The following NRG1 variants were observed in gnomAD, a reference collection of about 807,000 sequenced individuals.
NRG1 encodes neuregulin 1, also known as pro-neuregulin-1, membrane-bound isoform.
NRG1 carries 18 observed loss-of-function variants against 63.8 expected under a neutral mutation model. That is an observed-to-expected ratio of 0.28 (90% CI 0.19 to 0.42). The LOEUF is 0.42. NRG1 is among the 10% of genes least tolerant of loss of function. The probability of loss-of-function intolerance (pLI) is 1.00; values close to 1 mark genes in which losing one functional copy is unlikely to be tolerated. For synonymous variants in NRG1, 302 were observed against 301.3 expected, an observed-to-expected ratio of 1.00 and a Z score of -0.02; for missense variants, 762 against 814.7, an observed-to-expected ratio of 0.94 and a Z score of 0.79.
intron 1 of NRG1, among the ~76,000 whole-genome samples, chr8:32,474,674 T>G (rs746142538): frequency 1.3e-4 from 20 of 148,538 alleles, no homozygotes; most frequent in Non-Finnish European, 2.7e-4. Flanking sequence ...TGTGTGTGTG[T>G]GTGTTTTTTT....
intron 6 of NRG1, among the ~76,000 whole-genome samples, chr8:32,732,151 T>C (rs1303736733): frequency 6.6e-6 from 1 of 152,242 alleles, no homozygotes; most frequent in African/African-American, 2.4e-5. Context: ...GTGGTAGTTC[T>C]CATCTTTTAT....
chr8:32,066,139 C>T (rs560514354), intron 1 of NRG1, among the ~76,000 whole-genome samples: 1 of 152,346 alleles, frequency 6.6e-6, no homozygotes, highest in African/African-American at 2.4e-5. Flanking sequence ...TGTAGGTTGC[C>T]TGTTCATTCT....
intron 1 of NRG1, among the ~76,000 whole-genome samples, chr8:32,577,899 G>A (rs1169230690): frequency 3.9e-5 from 6 of 152,226 alleles, no homozygotes; most frequent in African/African-American, 1.4e-4. Context: ...TAACATAAAA[G>A]GAAGATGAAG....
chr8:32,520,278 CTG>C (rs1466167979), intron 1 of NRG1, among the ~76,000 whole-genome samples: 2 of 151,764 alleles, frequency 1.3e-5, no homozygotes, highest in Non-Finnish European at 2.9e-5. Flanking sequence ...ACTCCCACTT[CTG>C]CCTGTAGCTG....
At position 32,303,556 on chromosome 8, in the gene NRG1, A is replaced by T. The variant is rs991535989; in HGVS notation, c.38-292272A>T. Among the ~76,000 whole-genome samples the T allele has an allele frequency of 5.3e-5, 8 of 152,332 alleles. 1 individual carries two copies. The Middle Eastern group carries it at 0.014, about 259-fold the overall frequency. On this transcript the variant is annotated intron_variant, in intron 1 of 10. Transcript: ENST00000519301. ...AAATGACACCTGTTAAAGTGCCAGCACCGTTAGCAAAAGAACATTTAAAAC... is the reference window on the plus strand; with the variant it reads ...AAATGACACCTGTTAAAGTGCCAGCTCCGTTAGCAAAAGAACATTTAAAAC...
Position 32,616,789 on chromosome 8 carries a change from A to G in NRG1, c.452-46A>G, listed in dbSNP as rs141523393. 1.3e-3 allele frequency: 1,958 copies of G among 1,484,502 alleles called. 23 individuals carry two copies. In the African/African-American group the frequency reaches 0.024, roughly 18 times the overall value. 92.0% of individuals were successfully genotyped at this position (1,484,502 alleles called of 1,614,324 possible). A position where few individuals can be genotyped will look rare whatever the true frequency, so the allele number is the denominator to read the frequency against. ...GGCAAATTTCTAATTTATGAGTCCA[A>G]GCAGCATGACTCAATAAAGCCTCAT... On this transcript the variant is annotated intron_variant, in intron 4 of 11. Transcript: ENST00000356819.
intron 1 of NRG1, among the ~76,000 whole-genome samples, chr8:32,296,329 C>T (rs1294450667): frequency 6.6e-6 from 1 of 152,118 alleles, no homozygotes; most frequent in African/African-American, 2.4e-5. Flanking sequence ...GTGGCTCACG[C>T]CTGTAACCCC....
chr8:31,809,311 G>GT (rs201710680), intron 1 of NRG1, among the ~76,000 whole-genome samples: 88 of 131,412 alleles, frequency 6.7e-4, no homozygotes, highest in Middle Eastern at 4.4e-3. Context: ...TTTTCCTTCA[G>GT]TTTTTTTTTT....
At chr8:32,539,655 G>A (rs1033758633) in intron 1 of NRG1, among the ~76,000 whole-genome samples, 1 of 152,146 alleles carries the variant, frequency 6.6e-6, no homozygotes, top group Non-Finnish European at 1.5e-5. Context: ...ACTTACAGCT[G>A]TAGATAAACA....
At chr8:31,952,610 A>G (rs1219975909) in intron 1 of NRG1, among the ~76,000 whole-genome samples, 2 of 152,264 alleles carry the variant, frequency 1.3e-5, no homozygotes, top group Non-Finnish European at 2.9e-5. Context: ...CAACTGTTAC[A>G]TTTGATCTAA....
chr8:32,268,017 A>G (rs1295641092), intron 1 of NRG1, among the ~76,000 whole-genome samples: 1 of 152,146 alleles, frequency 6.6e-6, no homozygotes, highest in Non-Finnish European at 1.5e-5. Context: ...ATGTGATTCC[A>G]TGGTTATCTT....
At chr8:31,739,667 G>T (rs1001249077) in intron 1 of NRG1, among the ~76,000 whole-genome samples, 2 of 152,022 alleles carry the variant, frequency 1.3e-5, no homozygotes, top group African/African-American at 4.8e-5. Context: ...AATGACATTT[G>T]GGGGGAGCAT....
At chr8:32,747,956 AC>A (rs1299147553) in intron 7 of NRG1, among the ~76,000 whole-genome samples, 2 of 151,342 alleles carry the variant, frequency 1.3e-5, no homozygotes, top group Non-Finnish European at 2.9e-5. Flanking sequence ...CGTCTCCTTT[AC>A]TCCCCAGGCA....
intron 1 of NRG1, among the ~76,000 whole-genome samples, chr8:32,158,430 T>A (rs1419692725): frequency 1.5e-5 from 2 of 136,266 alleles, no homozygotes; most frequent in Non-Finnish European, 3.2e-5. Context: ...TGTTCGTTTC[T>A]CTTTGTTTGG....
rs912906486 is a variant in NRG1, at chr8:32,647,055, G to A, written c.502+30170G>A. On this transcript the variant is annotated intron_variant, in intron 5 of 11. Coordinates refer to ENST00000356819, the Ensembl canonical transcript of NRG1. ...GTAGTCGGGGGTGGGGTGGAGGCAGGGCGGGGAAGGGAGTGACCGCCCCTC... is the reference window on the plus strand; with the variant it reads ...GTAGTCGGGGGTGGGGTGGAGGCAGAGCGGGGAAGGGAGTGACCGCCCCTC... The A allele has an allele frequency of 2.3e-5, 23 of 985,164 alleles. No homozygotes were observed. The African/African-American group carries it at 4.0e-4, about 17-fold the overall frequency. 61.0% of individuals were successfully genotyped at this position (985,164 alleles called of 1,614,324 possible). A position where few individuals can be genotyped will look rare whatever the true frequency, so the allele number is the denominator to read the frequency against.
At chr8:32,233,565 T>TATATATATA (rs1563934722) in intron 1 of NRG1, among the ~76,000 whole-genome samples, 99 of 19,494 alleles carry the variant, frequency 5.1e-3, no homozygotes, top group African/African-American at 0.016. Context: ...ATATATATAT[T>TATATATATA]TTTTTTTTTT....
At chr8:32,059,803 G>T (rs1490117915) in intron 1 of NRG1, among the ~76,000 whole-genome samples, 1 of 151,898 alleles carries the variant, frequency 6.6e-6, no homozygotes, top group African/African-American at 2.4e-5. Flanking sequence ...CTTCCATTGA[G>T]CTATGGGAAA....
chr8:32,753,931 C>T (rs546550522), intron 7 of NRG1, among the ~76,000 whole-genome samples: 44 of 152,060 alleles, frequency 2.9e-4, no homozygotes, highest in East Asian at 7.7e-4. Flanking sequence ...AAGTGGGGGG[C>T]GCCCAGTGAT....
intron 1 of NRG1, among the ~76,000 whole-genome samples, chr8:32,508,532 C>T (rs1287646650): frequency 1.3e-5 from 2 of 151,560 alleles, no homozygotes; most frequent in East Asian, 2.0e-4. Flanking sequence ...TGCCTGACCT[C>T]GTGATCCACC....
Sources: allele counts gnomAD v4.1 joint callset (sites outside exome capture counted in the v4.1 genomes callset), GRCh38; gene constraint gnomAD v4.1.1; transcripts MANE v1.5; gene names NCBI Gene and HGNC (gene_info 2026-07-23, HGNC 2026-07-21).